The following CYTH2 variants were observed in gnomAD, a reference collection of about 807,000 sequenced individuals.
CYTH2 encodes cytohesin-2.
A neutral mutation model predicts 55.4 loss-of-function variants in CYTH2; 24 were observed. That is an observed-to-expected ratio of 0.43 (90% CI 0.31 to 0.61). CYTH2 has a LOEUF of 0.61. Ranked by LOEUF, CYTH2 falls within the 20% of genes least tolerant of loss-of-function variation. The pLI is 0.08. For synonymous variants in CYTH2, 221 were observed against 209.6 expected (o/e 1.05, Z -0.47); for missense variants, 378 against 533.5 (o/e 0.71, Z 2.87).
At chr19:48,475,258 G>GCC in intron 8 of CYTH2, 1 of 341,986 alleles carries the variant, frequency 2.9e-6, no homozygotes, top group Non-Finnish European at 5.4e-6. Context: ...CCTTTCGTGG[G>GCC]AGAAGAGTTC....
chr19:48,478,864 G>C lies in CYTH2; in HGVS notation c.1113-259G>C, dbSNP rs565088705. 1.2e-4 allele frequency among the ~76,000 whole-genome samples: 18 copies of C among 149,420 alleles called. No individual in the cohort carries two copies. In the East Asian group the frequency reaches 3.5e-3, roughly 29 times the overall value. ...GAGGGGCCGGGGGCCTGGACTCCTGGGTCTGACGGAGGAGGGGCCGGGGGC... is the reference window on the plus strand; with the variant it reads ...GAGGGGCCGGGGGCCTGGACTCCTGCGTCTGACGGAGGAGGGGCCGGGGGC... On this transcript the variant is annotated intron_variant, in intron 11 of 11. Transcript: ENST00000452733.
At chr19:48,469,880 G>T in intron 1 of CYTH2, 1 of 566,298 alleles carries the variant, frequency 1.8e-6, no homozygotes, top group Non-Finnish European at 3.4e-6. Context: ...ATCTTGGGGG[G>T]CGGGGGCCTT....
intron 4 of CYTH2, 28 bp downstream of exon 4, chr19:48,472,471 G>GCCCCACCCC: frequency 1.3e-6 from 2 of 1,584,674 alleles, no homozygotes; most frequent in Non-Finnish European, 1.7e-6. Flanking sequence ...CTCCTGTGGG[G>GCCCCACCCC]CCCCTCCCTC....
intron 1 of CYTH2, 71 bp from the exon 2 acceptor site, chr19:48,470,282 G>T (rs1971763922): frequency 2.0e-6 from 3 of 1,534,248 alleles, no homozygotes; most frequent in African/African-American, 2.8e-5. Flanking sequence ...AGCTCTGTCC[G>T]CCCCCAGATT....
At chr19:48,477,925 C>T in intron 8 of CYTH2, 144 bp from the exon 9 acceptor site, 1 of 621,696 alleles carries the variant, frequency 1.6e-6, no homozygotes, top group Non-Finnish European at 2.9e-6. Flanking sequence ...CCCTGCTTGT[C>T]TGTCTCCCCC....
Position 48,473,964 on chromosome 19 carries a change from A to G in CYTH2, c.494A>G (p.Glu165Gly). 6.2e-7 allele frequency: 1 copy of G among 1,613,802 alleles called. No homozygotes were observed. The highest frequency in any genetic ancestry group is 1.1e-5 in the South Asian group (1 of 91,068). Residue 165 changes from glutamate to glycine, a missense_variant, in exon 6 of 12, where the codon GAG (glutamate) becomes GGG (glycine). Transcript: ENST00000452733. ...GEAQKIDRMM[E>G]AFAQRYCLCN... The stretch of plus-strand genomic sequence containing the variant: ...GCCCAGAAAATTGACCGGATGATGG[A>G]GGCCTTCGCCCAGCGATACTGCCTG...
chr19:48,473,894 C>T lies in CYTH2; in HGVS notation c.435-11C>T, dbSNP rs1971853949. ...GCCCTGGCATCCATTCCTGGCCCCT[C>T]CCCAACCCAGGCAGTTTCTATGGAG... On this transcript the variant is annotated splice_polypyrimidine_tract_variant and intron_variant, in intron 5 of 11. Coordinates refer to ENST00000452733, the MANE Select transcript of CYTH2 (RefSeq NM_004228.7). 3.1e-6 allele frequency: 5 copies of T among 1,593,958 alleles called. No homozygotes were observed. The East Asian group carries it at 1.1e-4, about 36-fold the overall frequency.
chr19:48,478,000 C>A, intron 8 of CYTH2, 69 bp from the exon 9 acceptor site: 1 of 1,315,610 alleles, frequency 7.6e-7, no homozygotes, highest in South Asian at 1.2e-5. Context: ...GCTTCTCACG[C>A]CCCTCCCATC....
At chr19:48,472,213 C>T in intron 3 of CYTH2, 112 bp from the exon 4 acceptor site, 1 of 893,310 alleles carries the variant, frequency 1.1e-6, no homozygotes, top group South Asian at 1.5e-5. Flanking sequence ...GAAAATGAAA[C>T]CTGGCCCTGG....
chr19:48,470,627 G>A lies in CYTH2; in HGVS notation c.192G>A (p.Lys64=). 1.2e-6 allele frequency: 2 copies of A among 1,614,280 alleles called. No individual in the cohort carries two copies. Among genetic ancestry groups the A allele is most frequent in the Non-Finnish European group, 8.5e-7 (1 of 1,180,054 alleles). ...GTAAGACCTTGCAACGGAACCGGAAGATGGCAATGGGCAGGAAGAAGTTCA... is the reference window on the plus strand; with the variant it reads ...GTAAGACCTTGCAACGGAACCGGAAAATGGCAATGGGCAGGAAGAAGTTCA... The part of the protein sequence containing the change: ...EGSKTLQRNR[K]MAMGRKKFNM... The change falls in exon 3 of 12, where the codon AAG becomes AAA. Residue 64 remains lysine (K), a synonymous_variant. Transcript: ENST00000452733.
intron 8 of CYTH2, 158 bp from the exon 9 acceptor site, chr19:48,477,911 C>T: frequency 1.7e-6 from 1 of 603,100 alleles, no homozygotes; most frequent in Non-Finnish European, 3.0e-6. Flanking sequence ...CCCAACATGC[C>T]TGGCCCTGCT....
intron 5 of CYTH2, chr19:48,473,675 C>T: frequency 1.7e-6 from 1 of 598,104 alleles, no homozygotes; most frequent in Admixed American, 3.0e-5. Context: ...CTCAACCAAC[C>T]CCCAGACCTG....
intron 4 of CYTH2, 111 bp downstream of exon 4, chr19:48,472,554 G>C (rs771805784): frequency 3.1e-5 from 27 of 882,714 alleles, no homozygotes; most frequent in Admixed American, 2.2e-4. Context: ...CCTCCCCGCA[G>C]AGGGGCCCTG....
rs907765893 is a variant in CYTH2, at chr19:48,474,070, C to T, written c.547+53C>T. On this transcript the variant is annotated intron_variant, in intron 6 of 11. Transcript: ENST00000452733. This position sits in a 1 kb window ranked among gnomAD's most constrained non-coding sequence, Gnocchi z 4.9. ...GAAAGAGGAGACTGGGGCCCAGACT[C>T]CTAGGTCTGAGGGAGGGAGGGGGCT... is the stretch of plus-strand genomic sequence containing the variant. 4.7e-5 allele frequency: 73 copies of T among 1,559,304 alleles called. No homozygotes were observed. Among genetic ancestry groups the T allele is most frequent in the African/African-American group, 4.5e-4 (33 of 72,962 alleles).
chr19:48,472,375 G>C lies in CYTH2; in HGVS notation c.285G>C (p.Glu95Asp). The C allele has an allele frequency of 6.2e-7, 1 of 1,614,048 alleles. No individual in the cohort carries two copies. Among genetic ancestry groups the C allele is most frequent in the Non-Finnish European group, 8.5e-7 (1 of 1,180,028 alleles). ...ENELLQNTPE[E>D]IARFLYKGEG... ...AACTGCTGCAGAACACACCCGAGGA[G>C]ATCGCCCGCTTCCTGTACAAGGGCG... Residue 95 changes from glutamate (E) to aspartate (D), a missense_variant, in exon 4 of 12, where the codon GAG (glutamate) becomes GAC (aspartate). Transcript: ENST00000452733.
chr19:48,477,780 G>C (rs910751485), intron 8 of CYTH2: 4 of 450,276 alleles, frequency 8.9e-6, no homozygotes, highest in African/African-American at 5.9e-5. Context: ...CTGCCCTGGC[G>C]CCCTGGCGCC....
At chr19:48,469,653 G>C (rs967201405) in intron 1 of CYTH2, 127 bp downstream of exon 1, 1 of 1,343,988 alleles carries the variant, frequency 7.4e-7, no homozygotes, top group East Asian at 2.8e-5. Context: ...GACTTGTCGC[G>C]CCGCTTTTGT....
chr19:48,478,567 A>G lies in CYTH2; in HGVS notation c.1087A>G (p.Lys363Glu), dbSNP rs1971971725. The G allele has an allele frequency of 6.2e-7, 1 of 1,613,098 alleles. No homozygotes were observed. Among genetic ancestry groups the G allele is most frequent in the Non-Finnish European group, 8.5e-7 (1 of 1,179,512 alleles). ...GATCTCGGCCCCCACGCAGGAGGAG[A>G]AGGACGAGTGGATCAAGTCCATCCA... The part of the protein sequence containing the change: ...YRISAPTQEE[K>E]DEWIKSIQAA... Residue 363 changes from lysine to glutamate, a missense_variant, in exon 11 of 12, where the codon AAG (lysine) becomes GAG (glutamate). Physicochemically the swap from Lys to Glu is moderately conservative, Grantham distance 56. Transcript: ENST00000452733.
At chr19:48,473,632 GCT>G in intron 5 of CYTH2, 1 of 598,718 alleles carries the variant, frequency 1.7e-6, no homozygotes, top group Non-Finnish European at 3.0e-6. Flanking sequence ...TGTCAGCATT[GCT>G]CTCTGCAGAC....
Sources: allele counts gnomAD v4.1 joint callset (sites outside exome capture counted in the v4.1 genomes callset), GRCh38; gene constraint gnomAD v4.1.1; non-coding constraint Gnocchi (gnomAD v3.1); transcripts MANE v1.5; gene names NCBI Gene and HGNC (gene_info 2026-07-23, HGNC 2026-07-21).